PIK3R3: variants seen among roughly 807,000 people sequenced by gnomAD.
PIK3R3 encodes the protein phosphatidylinositol 3-kinase regulatory subunit gamma.
PIK3R3 carries 64 observed loss-of-function variants against 62.9 expected under a neutral mutation model. That is an observed-to-expected ratio of 1.02 (90% CI 0.83 to 1.25). The LOEUF (loss-of-function observed/expected upper bound fraction) is 1.25. Ranked by LOEUF, PIK3R3 falls within the 50% of genes most tolerant of loss-of-function variation. The pLI is 0.00. For missense variants in PIK3R3, 614 were observed against 561.6 expected, an observed-to-expected ratio of 1.09 and a Z score of -0.94; for synonymous variants, 165 against 189.0, an observed-to-expected ratio of 0.87 and a Z score of 1.04.
chr1:46,105,216 CTCA>C lies in PIK3R3; in HGVS notation c.107-24469_107-24467del, dbSNP rs935625135. ...TAATACTGAATTGTTTAAAAAACAGCTCATCAGCTGGGCACGGTGGCTCACACC... is the reference window on the plus strand; with the variant it reads ...TAATACTGAATTGTTTAAAAAACAGCTCAGCTGGGCACGGTGGCTCACACC... On this transcript the variant is annotated intron_variant, in intron 1 of 9. Transcript: ENST00000262741. 4.1e-5 allele frequency: 18 copies of C among 441,402 alleles called. 1 individual carries two copies. Among genetic ancestry groups the C allele is most frequent in the African/African-American group, 3.6e-4 (18 of 49,568 alleles). The allele number at this position is 441,402 out of a possible 1,614,324, so 27.3% of individuals were successfully genotyped here.
intron 6 of PIK3R3, among the ~76,000 whole-genome samples, chr1:46,059,283 C>A (rs1298408038): frequency 6.6e-6 from 1 of 152,184 alleles, no homozygotes; most frequent in African/African-American, 2.4e-5. Context: ...TTATCAGCAG[C>A]ATGAAAATGG....
chr1:46,092,953 G>A (rs375759908), intron 1 of PIK3R3, among the ~76,000 whole-genome samples: 1 of 152,002 alleles, frequency 6.6e-6, no homozygotes, highest in East Asian at 1.9e-4. Flanking sequence ...TAATAAAGAG[G>A]GAAAAAGTTA....
At chr1:46,154,501 T>C in the PIK3R3 span, among the ~76,000 whole-genome samples, 1 of 152,188 alleles carries the variant, frequency 6.6e-6, no homozygotes, top group Non-Finnish European at 1.5e-5. Flanking sequence ...CCTGGGAGGT[T>C]AAGGCTGCAG....
intron 1 of PIK3R3, among the ~76,000 whole-genome samples, chr1:46,129,048 G>A (rs997005016): frequency 2.0e-5 from 3 of 151,798 alleles, no homozygotes; most frequent in African/African-American, 4.8e-5. Context: ...TCCAGCCTGG[G>A]CAACAGAGTG....
chr1:46,074,162 C>T (rs1649819527), intron 3 of PIK3R3, among the ~76,000 whole-genome samples: 1 of 150,392 alleles, frequency 6.6e-6, no homozygotes, highest in Non-Finnish European at 1.5e-5. Flanking sequence ...TGGTGGCGGG[C>T]GCCTGTAGTC....
chr1:46,165,190 T>C, the PIK3R3 span, among the ~76,000 whole-genome samples: 22 of 152,136 alleles, frequency 1.4e-4, no homozygotes, highest in African/African-American at 5.1e-4. Flanking sequence ...TTGCCACACA[T>C]ACCCCCAAAC....
rs1251402897 is a variant in PIK3R3 at position 46,041,631 on chromosome 1, C to G, written c.*2042G>C. 1.1e-5 allele frequency: 2 copies of G among 184,518 alleles called. No individual in the cohort carries two copies. Among genetic ancestry groups the G allele is most frequent in the Non-Finnish European group, 2.3e-5 (2 of 86,654 alleles). The allele number at this position is 184,518 out of a possible 1,614,324, so 11.4% of individuals were successfully genotyped here. On this transcript the variant is annotated 3_prime_UTR_variant, in exon 10 of 10. Transcript: ENST00000262741. ...AATCTTGAGCATCCACCTGCTTCAG[C>G]AGGTTCAACACCAGGTGCAAAGCCA...
rs986790609 is a variant in PIK3R3 at position 46,132,129 on chromosome 1, C to G, written c.-177G>C. 24 of 1,395,344 alleles carry G rather than the reference C, an allele frequency of 1.7e-5. No homozygotes were observed. The highest frequency in any genetic ancestry group is 2.7e-4 in the Middle Eastern group (1 of 3,736). 86.4% of individuals were successfully genotyped at this position (1,395,344 alleles called of 1,614,324 possible). On this transcript the variant is annotated 5_prime_UTR_variant, in exon 1 of 10. Coordinates refer to ENST00000262741, the MANE Select transcript of PIK3R3 (RefSeq NM_003629.4). The stretch of plus-strand genomic sequence containing the variant: ...CCGAACAGGGTCCTCCCCCTCTCTC[C>G]TACAGAACACAACAAAATGCCCCCG...
chr1:46,047,863 C>G (rs1647158875), intron 7 of PIK3R3, among the ~76,000 whole-genome samples: 1 of 152,362 alleles, frequency 6.6e-6, no homozygotes, highest in Non-Finnish European at 1.5e-5. Flanking sequence ...TCACTGCAAC[C>G]TCCATCTCCA....
the PIK3R3 span, among the ~76,000 whole-genome samples, chr1:46,161,888 C>G: frequency 1.1e-4 from 16 of 150,844 alleles, no homozygotes; most frequent in South Asian, 2.5e-3. Context: ...GTCAGGAGAT[C>G]GAGACCATCC....
chr1:46,091,674 C>T (rs915317176), intron 1 of PIK3R3, among the ~76,000 whole-genome samples: 5 of 152,132 alleles, frequency 3.3e-5, no homozygotes, highest in African/African-American at 7.2e-5. Context: ...TTTAGTGCAA[C>T]GAGCAAATTT....
At position 46,086,625 on chromosome 1, in the gene PIK3R3, G is replaced by A. The variant is rs538799920; in HGVS notation, c.107-5875C>T. On this transcript the variant is annotated intron_variant, in intron 1 of 9. Transcript: ENST00000262741. ...TGAGGCAGGAGACTCGCTTGACCCC[G>A]GGAGGCAGAGGTTACAGTGAGCCGA... Among the ~76,000 whole-genome samples the A allele has an allele frequency of 7.9e-5, 12 of 152,184 alleles. No individual in the cohort carries two copies. In the South Asian group the frequency reaches 1.2e-3, roughly 16 times the overall value.
At chr1:46,047,701 T>A (rs1308660966) in intron 7 of PIK3R3, among the ~76,000 whole-genome samples, 1 of 152,176 alleles carries the variant, frequency 6.6e-6, no homozygotes. Context: ...CCCCAGTCAC[T>A]CTCTACACTT....
the PIK3R3 span, among the ~76,000 whole-genome samples, chr1:46,166,092 G>A: frequency 1.3e-5 from 2 of 151,292 alleles, no homozygotes; most frequent in Non-Finnish European, 2.9e-5. Flanking sequence ...TATTATGAAG[G>A]TACCAAGAAA....
intron 1 of PIK3R3, among the ~76,000 whole-genome samples, chr1:46,104,326 T>C (rs1461410709): frequency 3.3e-5 from 5 of 152,236 alleles, no homozygotes; most frequent in South Asian, 2.1e-4. Context: ...ATTTCTTTTA[T>C]GGTGACAAAA....
chr1:46,101,167 G>A (rs1431628540), intron 1 of PIK3R3, among the ~76,000 whole-genome samples: 29 of 105,428 alleles, frequency 2.8e-4, no homozygotes, highest in East Asian at 2.7e-3. Context: ...GCAAGACTCC[G>A]TCTCAAAAAA....
At chr1:46,094,743 C>A (rs1043326925) in intron 1 of PIK3R3, among the ~76,000 whole-genome samples, 1 of 152,206 alleles carries the variant, frequency 6.6e-6, no homozygotes, top group Non-Finnish European at 1.5e-5. Context: ...CCTTCCTATA[C>A]CCCAACAACC....
chr1:46,114,812 A>C (rs1177998357), intron 1 of PIK3R3, among the ~76,000 whole-genome samples: 1 of 129,468 alleles, frequency 7.7e-6, no homozygotes, highest in Admixed American at 9.3e-5. Context: ...ACAGAGTTTC[A>C]CCATGTTGCC....
intron 1 of PIK3R3, among the ~76,000 whole-genome samples, chr1:46,111,737 G>T (rs1041473710): frequency 1.1e-5 from 1 of 94,826 alleles, no homozygotes; most frequent in Non-Finnish European, 2.7e-5. Flanking sequence ...AAAAAAGGGT[G>T]GGGGGGCATG....
Sources: gnomAD v4.1 joint callset for allele counts (sites outside exome capture counted in the v4.1 genomes callset) on GRCh38, gnomAD v4.1.1 for gene constraint, MANE v1.5 for transcripts, NCBI Gene and HGNC (gene_info 2026-07-23, HGNC 2026-07-21) for gene names.